Variants in NRXN3 observed in about 807,000 individuals in gnomAD.
NRXN3 encodes the protein neurexin III.
NRXN3 carries 32 observed loss-of-function variants against 137.6 expected under a neutral mutation model. That is an observed-to-expected ratio of 0.23 (90% CI 0.18 to 0.31). The LOEUF (loss-of-function observed/expected upper bound fraction) is 0.31, where lower values mean the gene tolerates loss of function less well. Among genes scored for constraint, NRXN3 ranks in the 10% least tolerant of loss-of-function variants. The pLI, the probability that NRXN3 is intolerant of heterozygous loss-of-function variation, is 1.00. For synonymous variants in NRXN3, 798 were observed against 784.5 expected (o/e 1.02, Z -0.29); for missense variants, 1,574 against 2,062.5 (o/e 0.76, Z 4.59).
chr14:78,191,940 C>T (rs1047444975), intron 1 of NRXN3, among the ~76,000 whole-genome samples: 1 of 152,030 alleles, frequency 6.6e-6, no homozygotes, highest in African/African-American at 2.4e-5. Context: ...CTGTTGCACT[C>T]ATTGAGATCA....
At chr14:78,933,855 G>A (rs1252212544) in intron 10 of NRXN3, among the ~76,000 whole-genome samples, 3 of 147,960 alleles carry the variant, frequency 2.0e-5, no homozygotes, top group Non-Finnish European at 4.4e-5. Context: ...CTGTATAATA[G>A]ATCTCTTGAA....
At chr14:79,617,586 CAG>C (rs981391875) in intron 16 of NRXN3, among the ~76,000 whole-genome samples, 5 of 152,254 alleles carry the variant, frequency 3.3e-5, no homozygotes, top group African/African-American at 9.6e-5. Context: ...GTAGCAGAAA[CAG>C]AGATCCACAT....
At chr14:78,825,218 GAAAA>G (rs367707860) in intron 10 of NRXN3, among the ~76,000 whole-genome samples, 42 of 115,220 alleles carry the variant, frequency 3.6e-4, no homozygotes, top group African/African-American at 1.2e-3. Flanking sequence ...AAAAAAAAAA[GAAAA>G]AGAAAAAGAA....
intron 6 of NRXN3, among the ~76,000 whole-genome samples, chr14:78,681,495 G>C (rs558119512): frequency 6.6e-6 from 1 of 152,312 alleles, no homozygotes; most frequent in African/African-American, 2.4e-5. Flanking sequence ...AAATACTTCA[G>C]ATCAGTGGTT....
chr14:79,163,828 T>C (rs1286310108), intron 15 of NRXN3, among the ~76,000 whole-genome samples: 3 of 151,956 alleles, frequency 2.0e-5, no homozygotes, highest in Non-Finnish European at 4.4e-5. Flanking sequence ...AAAAATCATG[T>C]CCTTTCCCAT....
At chr14:79,050,664 T>G (rs1476091748) in intron 15 of NRXN3, among the ~76,000 whole-genome samples, 1 of 152,168 alleles carries the variant, frequency 6.6e-6, no homozygotes, top group Non-Finnish European at 1.5e-5. Flanking sequence ...GCTCAGTCAT[T>G]TTGCCATTGA....
intron 4 of NRXN3, among the ~76,000 whole-genome samples, chr14:78,445,134 A>G (rs758993581): frequency 1.3e-5 from 2 of 152,138 alleles, no homozygotes; most frequent in Admixed American, 6.6e-5. Flanking sequence ...TTTGCTGAGC[A>G]GTGGAGGGAC....
At chr14:78,651,118 G>T in intron 5 of NRXN3, 47 bp from the exon 6 acceptor site, 1 of 1,582,296 alleles carries the variant, frequency 6.3e-7, no homozygotes, top group South Asian at 1.1e-5. Context: ...TGATAGGATC[G>T]TAAGGTCATT....
rs1032791670 is a variant in NRXN3, at chr14:79,090,880, T to A, written c.3262+102739T>A. ...TGAAAATTTCCCAGCATTTACAGCCTAGAATTTTTAATGGAAACATAAAGC... is the reference window on the plus strand; with the variant it reads ...TGAAAATTTCCCAGCATTTACAGCCAAGAATTTTTAATGGAAACATAAAGC... On this transcript the variant is annotated intron_variant, in intron 15 of 20. Coordinates refer to ENST00000335750, the MANE Select transcript of NRXN3 (RefSeq NM_001330195.2). Among the ~76,000 whole-genome samples the A allele has an allele frequency of 6.6e-5, 10 of 152,176 alleles. No individual in the cohort carries two copies. The East Asian group carries it at 1.9e-3, about 29-fold the overall frequency.
chr14:79,584,738 A>G (rs2097752166), intron 16 of NRXN3, among the ~76,000 whole-genome samples: 1 of 152,180 alleles, frequency 6.6e-6, no homozygotes, highest in African/African-American at 2.4e-5. Context: ...TGGAGTGACA[A>G]TAGAAGAGCC....
intron 4 of NRXN3, among the ~76,000 whole-genome samples, chr14:78,387,768 C>T (rs1030444935): frequency 1.8e-4 from 28 of 152,154 alleles, no homozygotes; most frequent in South Asian, 4.1e-4. Flanking sequence ...GAAGTGCAGG[C>T]GAGTGACTGC....
At chr14:79,037,409 C>T (rs2099617917) in intron 15 of NRXN3, among the ~76,000 whole-genome samples, 1 of 152,132 alleles carries the variant, frequency 6.6e-6, no homozygotes, top group African/African-American at 2.4e-5. Flanking sequence ...ATGACAGCCA[C>T]ATATAATCTG....
At chr14:79,207,138 ATCT>A (rs2066901926) in intron 15 of NRXN3, among the ~76,000 whole-genome samples, 2 of 152,156 alleles carry the variant, frequency 1.3e-5, no homozygotes, top group African/African-American at 4.8e-5. Context: ...TCAATGAGAA[ATCT>A]TCTGCAAGTC....
chr14:79,278,627 G>C (rs754895756), intron 15 of NRXN3, among the ~76,000 whole-genome samples: 1 of 152,150 alleles, frequency 6.6e-6, no homozygotes. Flanking sequence ...GAAGTTTTTT[G>C]ATCAGGACTA....
intron 8 of NRXN3, among the ~76,000 whole-genome samples, chr14:78,733,604 A>G (rs920052846): frequency 1.3e-5 from 2 of 152,158 alleles, no homozygotes; most frequent in Non-Finnish European, 2.9e-5. Flanking sequence ...CCCAGAGAGA[A>G]AATATTCCTG....
At chr14:78,864,941 C>T (rs889965503) in intron 10 of NRXN3, among the ~76,000 whole-genome samples, 1 of 152,092 alleles carries the variant, frequency 6.6e-6, no homozygotes, top group African/African-American at 2.4e-5. Context: ...AGATGAAAGT[C>T]AGAGGATTAT....
At chr14:79,349,919 T>G (rs1195079095) in intron 15 of NRXN3, among the ~76,000 whole-genome samples, 5 of 152,178 alleles carry the variant, frequency 3.3e-5, no homozygotes, top group Admixed American at 3.3e-4. Context: ...GCCAACACCT[T>G]GATTTTGGAC....
chr14:78,510,995 C>T (rs541743773), intron 4 of NRXN3, among the ~76,000 whole-genome samples: 1 of 152,268 alleles, frequency 6.6e-6, no homozygotes, highest in East Asian at 1.9e-4. Context: ...AATGTTTTAT[C>T]TCTGGTTTGA....
intron 14 of NRXN3, among the ~76,000 whole-genome samples, chr14:78,981,814 G>A (rs181301838): frequency 1.3e-5 from 2 of 152,174 alleles, no homozygotes; most frequent in East Asian, 1.9e-4. Flanking sequence ...CCCAAGACAT[G>A]TTTTTCTAAT....
Sources: gnomAD v4.1 joint callset for allele counts (sites outside exome capture counted in the v4.1 genomes callset) on GRCh38, gnomAD v4.1.1 for gene constraint, MANE v1.5 for transcripts, NCBI Gene and HGNC (gene_info 2026-07-23, HGNC 2026-07-21) for gene names.